The following PLPPR3 variants were observed in gnomAD, a reference collection of about 807,000 sequenced individuals.
The protein encoded by PLPPR3 is phospholipid phosphatase related 3.
PLPPR3 carries 14 observed loss-of-function variants against 27.3 expected under a neutral mutation model. That is an observed-to-expected ratio of 0.51 (90% CI 0.34 to 0.80). The LOEUF (loss-of-function observed/expected upper bound fraction) is 0.80. Ranked by LOEUF, PLPPR3 falls within the 30% of genes least tolerant of loss-of-function variation. PLPPR3 has a pLI of 0.01. For synonymous variants in PLPPR3, 671 were observed against 508.0 expected, an observed-to-expected ratio of 1.32 and a Z score of -4.32; for missense variants, 1,287 against 1,056.9, an observed-to-expected ratio of 1.22 and a Z score of -3.02.
upstream of PLPPR3, among the ~76,000 whole-genome samples, chr19:822,523 C>G (rs143568729): frequency 0.05 from 7,615 of 152,212 alleles, 649 homozygotes; most frequent in African/African-American, 0.17. Context: ...CTCCCTTCCC[C>G]CCGCACTCAC....
At chr19:816,721 A>G (rs998679279) in intron 2 of PLPPR3, among the ~76,000 whole-genome samples, 4 of 136,234 alleles carry the variant, frequency 2.9e-5, no homozygotes, top group African/African-American at 1.1e-4. Context: ...CCATCCGTCC[A>G]TTCATTACCC....
In PLPPR3 at chr19:812,556, C is replaced by G. The variant is rs1049052279; in HGVS notation, c.*14G>C. 2 of 1,002,120 alleles carry G rather than the reference C, an allele frequency of 2.0e-6. No individual in the cohort carries two copies. Among genetic ancestry groups the G allele is most frequent in the South Asian group, 8.5e-5 (2 of 23,558 alleles). The allele number at this position is 1,002,120 out of a possible 1,614,324, so 62.1% of individuals were successfully genotyped here. On this transcript the variant is annotated 3_prime_UTR_variant, in exon 8 of 8. Coordinates refer to ENST00000520876, the MANE Select transcript of PLPPR3 (RefSeq NM_001270366.2). ...CCCTCGGCCCGCCCCCCGCCCGCCC[C>G]CGGCCCCGCCGCGCTAGTCGGGGAA...
chr19:822,598 C>G (rs2035165549), upstream of PLPPR3, among the ~76,000 whole-genome samples: 1 of 152,134 alleles, frequency 6.6e-6, no homozygotes, highest in Non-Finnish European at 1.5e-5. Flanking sequence ...GTGCGCACGG[C>G]GGGATTGCGG....
rs1374348485 is a variant in PLPPR3, at chr19:813,245, C to T, written c.1482G>A (p.Val494=). 6.7e-7 allele frequency: 1 copy of T among 1,482,812 alleles called. No individual in the cohort carries two copies. The highest frequency in any genetic ancestry group is 1.3e-5 in the South Asian group (1 of 78,744). 91.9% of individuals were successfully genotyped at this position (1,482,812 alleles called of 1,614,324 possible). The change falls in exon 8 of 8, where the codon GTG becomes GTA. Residue 494 remains valine (V), a synonymous_variant. Transcript: ENST00000520876. This position sits in a 1 kb window ranked among gnomAD's most constrained non-coding sequence, Gnocchi z 4.1. The stretch of plus-strand genomic sequence containing the variant: ...TCTGCGCGCCCTCCTCCGGGATGTG[C>T]ACCAGCGGCGGCGGCCCCGCGCGCG... The part of the protein sequence containing the change: ...LPPRAGPPPL[V]HIPEEGAQTG...
chr19:813,267 C>G lies in PLPPR3; in HGVS notation c.1460G>C (p.Arg487Pro). The G allele has an allele frequency of 6.8e-7, 1 of 1,472,798 alleles. No homozygotes were observed. Among genetic ancestry groups the G allele is most frequent in the Non-Finnish European group, 8.9e-7 (1 of 1,121,976 alleles). The allele number at this position is 1,472,798 out of a possible 1,614,324, so 91.2% of individuals were successfully genotyped here. Residue 487 changes from arginine (R) to proline (P), a missense_variant, in exon 8 of 8, where the codon CGC becomes CCC. Transcript: ENST00000520876. This position sits in a 1 kb window ranked among gnomAD's most constrained non-coding sequence, Gnocchi z 4.1. ...GTGCACCAGCGGCGGCGGCCCCGCGCGCGGTGGGAGGATGACCCGAGGCCC... is the reference window on the plus strand; with the variant it reads ...GTGCACCAGCGGCGGCGGCCCCGCGGGCGGTGGGAGGATGACCCGAGGCCC... ...GLGPRVILPPRAGPPPLVHIP... is the reference protein window; with the variant it reads ...GLGPRVILPPPAGPPPLVHIP...
At position 815,060 on chromosome 19, in the gene PLPPR3, C is replaced by A. The variant is rs755701926; in HGVS notation, c.425G>T (p.Cys142Phe). The A allele has an allele frequency of 6.2e-7, 1 of 1,606,984 alleles. No homozygotes were observed. Among genetic ancestry groups the A allele is most frequent in the South Asian group, 1.1e-5 (1 of 91,080 alleles). ...CACGTCCGTCACCAGGGCTGTGGCA[C>A]ACAGGCCGAACACGTGGACACCTGC... ...RFVGVHVFGL[C>F]ATALVTDVIQ... is the part of the protein sequence containing the mutation. The change falls in exon 5 of 8, where the codon TGT becomes TTT. Residue 142 changes from cysteine (C) to phenylalanine (F), a missense_variant. Cys to Phe is a radical substitution (Grantham distance 205). Coordinates refer to ENST00000520876, the MANE Select transcript of PLPPR3 (RefSeq NM_001270366.2).
In PLPPR3 at chr19:813,338, C is replaced by A; in HGVS notation, c.1389G>T (p.Pro463=). The change falls in exon 8 of 8, where the codon CCG becomes CCT. Residue 463 remains proline (P), a synonymous_variant. Coordinates refer to ENST00000520876, the MANE Select transcript of PLPPR3 (RefSeq NM_001270366.2). This position sits in a 1 kb window ranked among gnomAD's most constrained non-coding sequence, Gnocchi z 4.1. ...CGGTGGGGTAGAGCGAGGGCGGGGC[C>A]GGGCCCTCGTCCTCCTCCTCTTCCT... The part of the protein sequence containing the change: ...EEEEEEEDEG[P]APPSLYPTVQ... 1 of 1,473,260 alleles carries A rather than the reference C, an allele frequency of 6.8e-7. No homozygotes were observed. The highest frequency in any genetic ancestry group is 1.3e-5 in the South Asian group (1 of 74,314). 91.3% of individuals were successfully genotyped at this position (1,473,260 alleles called of 1,614,324 possible). A position where few individuals can be genotyped will look rare whatever the true frequency, so the allele number is the denominator to read the frequency against.
At chr19:815,880 C>T in intron 2 of PLPPR3, 29 bp from the exon 3 acceptor site, 1 of 1,605,188 alleles carries the variant, frequency 6.2e-7, no homozygotes, top group Non-Finnish European at 8.5e-7. Context: ...CCAGGTTCAC[C>T]CTGCTCTCCC....
Position 812,633 on chromosome 19 carries a change from G to T in PLPPR3, c.2094C>A (p.Arg698=), listed in dbSNP as rs1367265338. 4.5e-6 allele frequency: 5 copies of T among 1,100,702 alleles called. No individual in the cohort carries two copies. The highest frequency in any genetic ancestry group is 5.6e-6 in the Non-Finnish European group (5 of 896,760). The allele number at this position is 1,100,702 out of a possible 1,614,324, so 68.2% of individuals were successfully genotyped here. ...RHAGGLGLAE[R]EAEAEAEGYF... ...AGCCCTCGGCCTCCGCCTCCGCCTCGCGCTCCGCCAGCCCCAGGCCGCCCG... is the reference window on the plus strand; with the variant it reads ...AGCCCTCGGCCTCCGCCTCCGCCTCTCGCTCCGCCAGCCCCAGGCCGCCCG... Residue 698 remains arginine, a synonymous_variant, in exon 8 of 8, where the codon CGC becomes CGA. Coordinates refer to ENST00000520876, the MANE Select transcript of PLPPR3 (RefSeq NM_001270366.2).
rs351987 is a variant in PLPPR3, at chr19:815,173, T to G, written c.403+13A>C. ...GGAGGTAGCTCAGGGTCGGGGCGCGTCCCGCAACTCACCCACAAACCGCAC... is the reference window on the plus strand; with the variant it reads ...GGAGGTAGCTCAGGGTCGGGGCGCGGCCCGCAACTCACCCACAAACCGCAC... On this transcript the variant is annotated intron_variant, in intron 4 of 7. Coordinates refer to ENST00000520876, the MANE Select transcript of PLPPR3 (RefSeq NM_001270366.2). 26,806 of 1,602,344 alleles carry G rather than the reference T, an allele frequency of 0.017. 3,662 individuals carry two copies. In the African/African-American group the frequency reaches 0.3, roughly 18 times the overall value.
intron 2 of PLPPR3, 28 bp from the exon 3 acceptor site, chr19:815,879 C>T (rs1244517478): frequency 1.6e-5 from 25 of 1,605,212 alleles, no homozygotes; most frequent in Non-Finnish European, 2.1e-5. Context: ...GCCAGGTTCA[C>T]CCTGCTCTCC....
Position 813,026 on chromosome 19 carries a change from C to A in PLPPR3, c.1701G>T (p.Ser567=). The change falls in exon 8 of 8, where the codon TCG becomes TCT. Residue 567 remains serine (S), a synonymous_variant. Coordinates refer to ENST00000520876, the MANE Select transcript of PLPPR3 (RefSeq NM_001270366.2). The surrounding 1 kb of genome is among the most constrained non-coding windows in gnomAD (Gnocchi z 4.1). ...ASSSSASSDS[S]QYRSPSDRDS... ...CGCGGTCCGACGGCGACCGGTACTG[C>A]GAGGAGTCGGAGCTGGCGCTGGACG... 6.6e-7 allele frequency: 1 copy of A among 1,519,238 alleles called. No homozygotes were observed. Among genetic ancestry groups the A allele is most frequent in the Admixed American group, 2.0e-5 (1 of 50,380 alleles). The allele number at this position is 1,519,238 out of a possible 1,614,324, so 94.1% of individuals were successfully genotyped here.
upstream of PLPPR3, among the ~76,000 whole-genome samples, chr19:822,552 G>T (rs918287110): frequency 6.6e-6 from 1 of 152,144 alleles, no homozygotes; most frequent in Non-Finnish European, 1.5e-5. Flanking sequence ...CCTCCGCCGC[G>T]CCGGGGTCCA....
Position 815,826 on chromosome 19 carries a change from A to T in PLPPR3, c.101T>A (p.Val34Glu), listed in dbSNP as rs2035044085. 6.2e-7 allele frequency: 1 copy of T among 1,612,578 alleles called. No individual in the cohort carries two copies. The highest frequency in any genetic ancestry group is 1.7e-5 in the Admixed American group (1 of 59,964). The change falls in exon 3 of 8, where the codon GTA becomes GAA. Residue 34 changes from valine to glutamate, a missense_variant. By Grantham distance (121) the Val-to-Glu change is moderately radical (BLOSUM62 -2). Transcript: ENST00000520876. ...GGTCAGCTCCAGGAAGTACAAGGAT[A>T]CGATGGAAGAAGCCACTATGGGCAG... is the stretch of plus-strand genomic sequence containing the variant. ...VELPIVASSI[V>E]SLYFLELTDL...
rs2034999914 is a variant in PLPPR3 at position 813,884 on chromosome 19, C to G, written c.843G>C (p.Ala281=). The G allele has an allele frequency of 4.2e-6, 6 of 1,435,220 alleles. No individual in the cohort carries two copies. The highest frequency in any genetic ancestry group is 1.5e-5 in the South Asian group (1 of 68,422). 88.9% of individuals were successfully genotyped at this position (1,435,220 alleles called of 1,614,324 possible). The change falls in exon 8 of 8, where the codon GCG becomes GCC. Residue 281 remains alanine, a synonymous_variant. Transcript: ENST00000520876. This position sits in a 1 kb window ranked among gnomAD's most constrained non-coding sequence, Gnocchi z 4.1. ...AGIAAYLACH[A]VGNFQAPPAE... ...CAGGTGGGGCCTGGAAGTTGCCCAC[C>G]GCGTGGCAGGCCTGTCGGGGAGAGG...
chr19:815,893 G>A (rs201150129), intron 2 of PLPPR3, 42 bp from the exon 3 acceptor site: 26 of 1,592,790 alleles, frequency 1.6e-5, no homozygotes, highest in South Asian at 3.4e-5. Context: ...GCTCTCCCTC[G>A]CGGAGGCGTC....
rs1457914208 is a variant in PLPPR3, at chr19:812,715, C to G, written c.2012G>C (p.Gly671Ala). Residue 671 changes from glycine to alanine, a missense_variant, in exon 8 of 8, where the codon GGC (glycine) becomes GCC (alanine). By Grantham distance (60) the Gly-to-Ala change is moderately conservative (BLOSUM62 0). Transcript: ENST00000520876. ...LATGEGLPPL[G>A]AADGALGPGS... ...CGGGCCCAGCGCCCCATCGGCCGCG[C>G]CCAGCGGGGGCAGCCCCTCGCCCGT... The G allele has an allele frequency of 9.5e-7, 1 of 1,057,434 alleles. No individual in the cohort carries two copies. The highest frequency in any genetic ancestry group is 1.1e-6 in the Non-Finnish European group (1 of 875,782). 65.5% of individuals were successfully genotyped at this position (1,057,434 alleles called of 1,614,324 possible). A position where few individuals can be genotyped will look rare whatever the true frequency, so the allele number is the denominator to read the frequency against.
intron 2 of PLPPR3, 56 bp downstream of exon 2, chr19:821,429 T>TGCGG: frequency 6.8e-7 from 1 of 1,470,068 alleles, no homozygotes. Context: ...CGGGGGTCTC[T>TGCGG]GCGGGCGGGC....
At chr19:814,324 A>G in intron 7 of PLPPR3, 110 bp downstream of exon 7, 4 of 990,068 alleles carry the variant, frequency 4.0e-6, no homozygotes, top group Non-Finnish European at 5.5e-6. Context: ...CCTGCCTCCC[A>G]CCTCAGACCC....
Sources: allele counts gnomAD v4.1 joint callset (sites outside exome capture counted in the v4.1 genomes callset), GRCh38; gene constraint gnomAD v4.1.1; non-coding constraint Gnocchi (gnomAD v3.1); transcripts MANE v1.5; gene names NCBI Gene and HGNC (gene_info 2026-07-23, HGNC 2026-07-21).